The following VOPP1 variants were observed in gnomAD, a reference collection of about 807,000 sequenced individuals.
VOPP1 encodes VOPP1 WW domain binding protein.
In VOPP1, 8 loss-of-function variants were observed where a neutral mutation model predicts 23.5. That is an observed-to-expected ratio of 0.34 (90% CI 0.20 to 0.61). The LOEUF is 0.61. Ranked by LOEUF, VOPP1 falls within the 20% of genes least tolerant of loss-of-function variation. VOPP1 has a pLI of 0.78. For synonymous variants in VOPP1, 83 were observed against 97.3 expected (o/e 0.85, Z 0.86); for missense variants, 174 against 238.1 (o/e 0.73, Z 1.77).
chr7:55,467,288 G>A (rs530997154), downstream of VOPP1, among the ~76,000 whole-genome samples: 1 of 152,224 alleles, frequency 6.6e-6, no homozygotes, highest in Admixed American at 6.5e-5. Flanking sequence ...AATTCCTGCA[G>A]CCAGCTGCTC....
intron 2 of VOPP1, among the ~76,000 whole-genome samples, chr7:55,505,681 GGGAGGGAGGGAGGGAGGGAGGGAA>G (rs1388998345): frequency 1.3e-5 from 1 of 77,400 alleles, no homozygotes; most frequent in African/African-American, 4.6e-5. Context: ...GAGGGAGGGA[GGGAGGGAGGGAGGGAGGGAGGGAA>G]GGAACTTGTA....
chr7:55,572,200 G>A (rs1798388607), intron 1 of VOPP1, 71 bp downstream of exon 1: 17 of 1,361,676 alleles, frequency 1.2e-5, no homozygotes, highest in Non-Finnish European at 1.1e-5. Context: ...GGGCGCCTCG[G>A]AACTGCGCGC....
intron 1 of VOPP1, among the ~76,000 whole-genome samples, chr7:55,564,136 C>G (rs147236280): frequency 2.0e-5 from 3 of 152,122 alleles, no homozygotes; most frequent in Non-Finnish European, 4.4e-5. Flanking sequence ...CTTCACTCAC[C>G]GCAGGCCTGG....
chr7:55,503,625 T>C (rs1794516260), intron 2 of VOPP1, among the ~76,000 whole-genome samples: 1 of 152,128 alleles, frequency 6.6e-6, no homozygotes, highest in African/African-American at 2.4e-5. Flanking sequence ...AATGGGATGG[T>C]GTTAAAAGGT....
At chr7:55,550,885 A>G (rs539668752) in intron 1 of VOPP1, among the ~76,000 whole-genome samples, 1 of 152,320 alleles carries the variant, frequency 6.6e-6, no homozygotes, top group East Asian at 1.9e-4. Context: ...GCTTATTTTC[A>G]TAATAAAGCA....
chr7:55,552,653 C>T, intron 1 of VOPP1: 2 of 1,536,016 alleles, frequency 1.3e-6, no homozygotes, highest in Non-Finnish European at 1.7e-6. Flanking sequence ...CTTTTCCTAC[C>T]ATATGACACC....
rs757021804 is a variant in VOPP1 at position 55,572,294 on chromosome 7, G to C, written c.31C>G (p.Leu11Val). MRRQPAKVAALLLGLLLECTE... is the reference protein window; with the variant it reads MRRQPAKVAAVLLGLLLECTE... ...ACCTCCAAGAGCAGCCCGAGCAGCA[G>C]CGCCGCCACCTTCGCAGGCTGGCGC... Residue 11 changes from leucine (L) to valine (V), a missense_variant, in exon 1 of 5, where the codon CTG becomes GTG. Leu to Val is a conservative substitution (Grantham distance 32, BLOSUM62 1). Coordinates refer to ENST00000285279, the MANE Select transcript of VOPP1 (RefSeq NM_030796.5). The C allele has an allele frequency of 4.6e-6, 7 of 1,517,220 alleles. No individual in the cohort carries two copies. The South Asian group carries it at 7.3e-5, about 16-fold the overall frequency. The allele number at this position is 1,517,220 out of a possible 1,614,324, so 94.0% of individuals were successfully genotyped here.
intron 4 of VOPP1, among the ~76,000 whole-genome samples, chr7:55,436,423 G>C (rs942751538): frequency 1.4e-4 from 22 of 152,304 alleles, no homozygotes; most frequent in African/African-American, 5.3e-4. Flanking sequence ...TCTAGTCCGT[G>C]TAAGTGCTCT....
chr7:55,564,470 AGCTGCT>A, intron 1 of VOPP1, among the ~76,000 whole-genome samples: 1 of 152,280 alleles, frequency 6.6e-6, no homozygotes, highest in South Asian at 2.1e-4. Context: ...TCACCTGAGT[AGCTGCT>A]CAACCATCCT....
intron 1 of VOPP1, among the ~76,000 whole-genome samples, chr7:55,535,994 C>T (rs1235797384): frequency 6.6e-6 from 1 of 152,242 alleles, no homozygotes. Flanking sequence ...GGATCATGCA[C>T]TCAGGGCCCT....
intron 1 of VOPP1, among the ~76,000 whole-genome samples, chr7:55,569,776 A>G (rs142165981): frequency 0.011 from 1,665 of 152,280 alleles, 11 homozygotes; most frequent in Middle Eastern, 0.024. Flanking sequence ...GGAGGAAAGC[A>G]CTTCTCAAAA....
At chr7:55,515,864 T>G (rs1358951716) in intron 2 of VOPP1, 1 of 660,236 alleles carries the variant, frequency 1.5e-6, no homozygotes, top group Non-Finnish European at 1.9e-6. Flanking sequence ...GGCAGCACTT[T>G]CTGGACTGAC....
In VOPP1 at chr7:55,521,144, C is replaced by A; in HGVS notation, c.55-14G>T. On this transcript the variant is annotated splice_polypyrimidine_tract_variant and intron_variant, in intron 1 of 4. Transcript: ENST00000285279. ...GGCTTCTGTGCACTGCAAATAGAAGCAAGAAAAAGTTTGTCAGTACTCAGG... is the reference window on the plus strand; with the variant it reads ...GGCTTCTGTGCACTGCAAATAGAAGAAAGAAAAAGTTTGTCAGTACTCAGG... The A allele has an allele frequency of 6.4e-7, 1 of 1,568,402 alleles. No individual in the cohort carries two copies. The highest frequency in any genetic ancestry group is 8.7e-7 in the Non-Finnish European group (1 of 1,155,740).
At chr7:55,548,958 G>C (rs1797482185) in intron 1 of VOPP1, among the ~76,000 whole-genome samples, 1 of 152,120 alleles carries the variant, frequency 6.6e-6, no homozygotes, top group Non-Finnish European at 1.5e-5. Flanking sequence ...GAAGAGCCCA[G>C]GGTGACCACA....
intron 3 of VOPP1, among the ~76,000 whole-genome samples, 179 bp downstream of exon 3, chr7:55,497,434 C>T (rs1794032569): frequency 6.6e-6 from 1 of 152,164 alleles, no homozygotes; most frequent in South Asian, 2.1e-4. Context: ...TCCCACAAAC[C>T]CCATGCGTGC....
intron 4 of VOPP1, among the ~76,000 whole-genome samples, chr7:55,449,493 G>A (rs1258502464): frequency 1.3e-5 from 2 of 152,226 alleles, no homozygotes; most frequent in Admixed American, 6.5e-5. Context: ...CACTACGCCG[G>A]GGTGGGGGGC....
At chr7:55,528,066 T>C (rs1256975629) in intron 1 of VOPP1, among the ~76,000 whole-genome samples, 2 of 152,178 alleles carry the variant, frequency 1.3e-5, no homozygotes, top group Non-Finnish European at 2.9e-5. Flanking sequence ...TGAGAACAAA[T>C]GTTATTTAAA....
At chr7:55,441,699 A>G (rs1790969004) in intron 4 of VOPP1, among the ~76,000 whole-genome samples, 1 of 152,164 alleles carries the variant, frequency 6.6e-6, no homozygotes, top group Non-Finnish European at 1.5e-5. Context: ...CCCATCAGAG[A>G]GCAGTAGCGC....
At chr7:55,493,474 T>C (rs1793726445) in intron 3 of VOPP1, among the ~76,000 whole-genome samples, 1 of 152,226 alleles carries the variant, frequency 6.6e-6, no homozygotes, top group South Asian at 2.1e-4. Flanking sequence ...ATTAATGTGA[T>C]GTCAAGGCCT....
Sources: allele counts gnomAD v4.1 joint callset (sites outside exome capture counted in the v4.1 genomes callset), GRCh38; gene constraint gnomAD v4.1.1; transcripts MANE v1.5; gene names NCBI Gene and HGNC (gene_info 2026-07-23, HGNC 2026-07-21).